The following USP9Y variants were observed in gnomAD, a reference collection of about 807,000 sequenced individuals.
USP9Y encodes ubiquitin carboxyl-terminal hydrolase 9Y.
USP9Y carries 41 observed loss-of-function variants against 53.1 expected under a neutral mutation model. That is an observed-to-expected ratio of 0.77 (90% CI 0.60 to 1.00). The LOEUF (loss-of-function observed/expected upper bound fraction) is 1.00, where lower values mean the gene tolerates loss of function less well. Ranked by LOEUF, USP9Y falls within the 50% of genes least tolerant of loss-of-function variation. USP9Y has a pLI of 0.00. For missense variants in USP9Y, 567 were observed against 535.8 expected, an observed-to-expected ratio of 1.06 and a Z score of -0.58; for synonymous variants, 220 against 173.7, an observed-to-expected ratio of 1.27 and a Z score of -2.09.
chrY:12,821,322 G>T, intron 33 of USP9Y, among the ~76,000 whole-genome samples: 1 of 33,731 alleles, frequency 3.0e-5, no homozygotes, highest in Non-Finnish European at 7.3e-5. Flanking sequence ...AATATGGTGT[G>T]TTTAAGGTAT....
At chrY:12,745,531 T>C (rs2053460104) in intron 12 of USP9Y, among the ~76,000 whole-genome samples, 1 of 33,819 alleles carries the variant, frequency 3.0e-5, no homozygotes, top group African/African-American at 1.2e-4. Flanking sequence ...CCCAAAGGGC[T>C]TTTATTGGCT....
Position 12,786,739 on chromosome Y carries a change from A to G in USP9Y, c.3500A>G (p.His1167Arg). ...KLLLTAIGYG[H>R]VRAVAEACQP... ...TTGTTAACTGCGATTGGCTATGGCC[A>G]TGTTCGAGCTGTAGCAGAAGCTTGT... is the stretch of plus-strand genomic sequence containing the variant. The change falls in exon 24 of 46, where the codon CAT becomes CGT. Residue 1167 changes from histidine to arginine, a missense_variant. By Grantham distance (29) the His-to-Arg change is conservative (BLOSUM62 0). Transcript: ENST00000338981. The G allele has an allele frequency of 2.5e-6, 1 of 398,839 alleles. No individual in the cohort carries two copies. The highest frequency in any genetic ancestry group is 3.5e-6 in the Non-Finnish European group (1 of 283,512).
intron 27 of USP9Y, among the ~76,000 whole-genome samples, chrY:12,804,381 G>C (rs2053522053): frequency 3.0e-5 from 1 of 33,408 alleles, no homozygotes; most frequent in Non-Finnish European, 7.4e-5. Flanking sequence ...TGTAAATCAT[G>C]TAGAGAACAA....
intron 34 of USP9Y, among the ~76,000 whole-genome samples, chrY:12,835,043 G>A: frequency 3.0e-5 from 1 of 32,811 alleles, no homozygotes; most frequent in Non-Finnish European, 7.5e-5. Flanking sequence ...GGCATTGGGG[G>A]TTGTTTTGTT....
At chrY:12,776,286 C>A in intron 18 of USP9Y, among the ~76,000 whole-genome samples, 1 of 31,077 alleles carries the variant, frequency 3.2e-5, no homozygotes, top group South Asian at 7.5e-4. Context: ...GGATTACAGG[C>A]GCCTGCCACA....
chrY:12,805,357 G>C (rs536315119), intron 27 of USP9Y, among the ~76,000 whole-genome samples: 24 of 32,861 alleles, frequency 7.3e-4, no homozygotes, highest in African/African-American at 2.9e-3. Context: ...CCCCCCTTCT[G>C]TCTGCTCAAA....
intron 15 of USP9Y, among the ~76,000 whole-genome samples, chrY:12,763,559 G>A: frequency 3.2e-5 from 1 of 31,284 alleles, no homozygotes; most frequent in African/African-American, 1.2e-4. Flanking sequence ...ACAAGTTGCC[G>A]CAGGAAAAAA....
intron 12 of USP9Y, among the ~76,000 whole-genome samples, chrY:12,755,750 A>G (rs776118029): frequency 4.8e-4 from 16 of 33,211 alleles, no homozygotes; most frequent in Admixed American, 8.2e-4. Context: ...TGATATGTCA[A>G]GTAATACTCA....
chrY:12,791,931 G>A (rs2053508740), intron 26 of USP9Y, among the ~76,000 whole-genome samples: 1 of 33,500 alleles, frequency 3.0e-5, no homozygotes, highest in Non-Finnish European at 7.4e-5. Flanking sequence ...ATTTTGTCCT[G>A]TGTAAATTTT....
chrY:12,827,672 C>G, intron 33 of USP9Y, among the ~76,000 whole-genome samples: 1 of 33,494 alleles, frequency 3.0e-5, no homozygotes, highest in Non-Finnish European at 7.4e-5. Context: ...ATGAAAAATA[C>G]GCTAAGGCTG....
intron 34 of USP9Y, among the ~76,000 whole-genome samples, chrY:12,834,691 C>T (rs1603203039): frequency 9.0e-5 from 3 of 33,407 alleles, no homozygotes; most frequent in South Asian, 1.3e-3. Flanking sequence ...AGGCTAAAAG[C>T]GGCTGCTAAT....
At chrY:12,770,672 A>AT (rs2053484938) in intron 15 of USP9Y, among the ~76,000 whole-genome samples, 1 of 32,337 alleles carries the variant, frequency 3.1e-5, no homozygotes. Flanking sequence ...TCTCATCTTA[A>AT]TTTTTTTGAG....
intron 42 of USP9Y, among the ~76,000 whole-genome samples, chrY:12,854,619 G>A (rs2053574232): frequency 3.0e-5 from 1 of 33,190 alleles, no homozygotes; most frequent in African/African-American, 1.2e-4. Context: ...GGCCAGGGTG[G>A]TGTTGATCTC....
intron 5 of USP9Y, 105 bp downstream of exon 5, chrY:12,722,292 A>G: frequency 4.7e-6 from 1 of 214,566 alleles, no homozygotes; most frequent in Non-Finnish European, 8.0e-6. Context: ...GTTTATTCCT[A>G]GTTTATAATG....
intron 15 of USP9Y, among the ~76,000 whole-genome samples, chrY:12,764,698 T>G: frequency 3.0e-5 from 1 of 33,447 alleles, no homozygotes; most frequent in African/African-American, 1.2e-4. Context: ...AAACTTTAGG[T>G]AAAAGAAAGC....
intron 42 of USP9Y, among the ~76,000 whole-genome samples, chrY:12,852,406 C>T: frequency 3.0e-5 from 1 of 32,944 alleles, no homozygotes; most frequent in African/African-American, 1.2e-4. Context: ...TTCTAGTTAG[C>T]CATTCGTCTA....
intron 13 of USP9Y, among the ~76,000 whole-genome samples, chrY:12,757,717 A>G (rs1015700974): frequency 1.5e-4 from 5 of 32,788 alleles, no homozygotes; most frequent in Non-Finnish European, 3.7e-4. Context: ...CGACCTCCTG[A>G]CTTCATGATC....
intron 5 of USP9Y, among the ~76,000 whole-genome samples, chrY:12,724,587 C>A: frequency 5.9e-5 from 2 of 33,695 alleles, no homozygotes; most frequent in Non-Finnish European, 1.5e-4. Context: ...CAACAGAAAA[C>A]ACTTGTAAGT....
At chrY:12,785,790 A>G in intron 22 of USP9Y, among the ~76,000 whole-genome samples, 1 of 33,542 alleles carries the variant, frequency 3.0e-5, no homozygotes, top group African/African-American at 1.2e-4. Context: ...CCATTTATCT[A>G]TTTTTGAAGA....
Sources: gnomAD v4.1 joint callset for allele counts (sites outside exome capture counted in the v4.1 genomes callset) on GRCh38, gnomAD v4.1.1 for gene constraint, MANE v1.5 for transcripts, NCBI Gene and HGNC (gene_info 2026-07-23, HGNC 2026-07-21) for gene names.